Variants in LRRC7 observed in about 807,000 individuals in gnomAD.
LRRC7 encodes leucine rich repeat containing 7, also known as leucine-rich repeat-containing protein 7.
Under a neutral mutation model 175.7 loss-of-function variants are expected in LRRC7, and 23 were observed. That is an observed-to-expected ratio of 0.13 (90% CI 0.09 to 0.19). The LOEUF (loss-of-function observed/expected upper bound fraction) is 0.19. LRRC7 is among the 10% of genes least tolerant of loss of function. The probability of loss-of-function intolerance (pLI) is 1.00; values close to 1 mark genes in which losing one functional copy is unlikely to be tolerated. For missense variants in LRRC7, 1,354 were observed against 1,904.7 expected, an observed-to-expected ratio of 0.71 and a Z score of 5.38; for synonymous variants, 685 against 680.9, an observed-to-expected ratio of 1.01 and a Z score of -0.09.
intron 7 of LRRC7, among the ~76,000 whole-genome samples, chr1:69,860,571 TGAATAA>T (rs2101530582): frequency 6.6e-6 from 1 of 152,014 alleles, no homozygotes; most frequent in South Asian, 2.1e-4. Flanking sequence ...TATACTAGAA[TGAATAA>T]GAATATTTTA....
chr1:70,112,348 A>G (rs1247851661), intron 26 of LRRC7, among the ~76,000 whole-genome samples: 1 of 152,150 alleles, frequency 6.6e-6, no homozygotes, highest in Non-Finnish European at 1.5e-5. Context: ...GCTCTGTTCT[A>G]TAATCACTGA....
At chr1:69,807,817 G>T (rs1327718415) in intron 4 of LRRC7, among the ~76,000 whole-genome samples, 1 of 151,934 alleles carries the variant, frequency 6.6e-6, no homozygotes, top group Non-Finnish European at 1.5e-5. Context: ...GGTGTTCTCT[G>T]TATTTCCTGA....
At chr1:70,058,012 A>ATT (rs1224681467) in intron 23 of LRRC7, among the ~76,000 whole-genome samples, 70 of 134,464 alleles carry the variant, frequency 5.2e-4, no homozygotes, top group South Asian at 2.4e-3. Flanking sequence ...CAGACTCACA[A>ATT]TTTTTTTTTT....
chr1:69,616,949 T>A (rs542734568), intron 1 of LRRC7, among the ~76,000 whole-genome samples: 1 of 152,248 alleles, frequency 6.6e-6, no homozygotes, highest in South Asian at 2.1e-4. Flanking sequence ...TGTCAGAACT[T>A]GTGCCTAACT....
chr1:69,890,001 T>C (rs1158024314), intron 7 of LRRC7, among the ~76,000 whole-genome samples: 1 of 152,252 alleles, frequency 6.6e-6, no homozygotes, highest in East Asian at 1.9e-4. Flanking sequence ...GAAATTACTT[T>C]CTACACTGAA....
intron 3 of LRRC7, among the ~76,000 whole-genome samples, chr1:69,774,573 T>A (rs1470089521): frequency 6.6e-6 from 1 of 152,230 alleles, no homozygotes; most frequent in Non-Finnish European, 1.5e-5. Flanking sequence ...GTGATTTATA[T>A]GTTAATTTGC....
chr1:69,703,686 C>G (rs896916096), intron 2 of LRRC7, among the ~76,000 whole-genome samples: 9 of 151,934 alleles, frequency 5.9e-5, no homozygotes, highest in African/African-American at 2.2e-4. Flanking sequence ...TTGCTTCAAA[C>G]TCATAAGTTG....
intron 7 of LRRC7, among the ~76,000 whole-genome samples, chr1:69,861,678 A>G (rs1684371864): frequency 6.6e-6 from 1 of 152,218 alleles, no homozygotes; most frequent in Non-Finnish European, 1.5e-5. Flanking sequence ...AAGCTGGGCC[A>G]TAGAAGTGAA....
At chr1:70,018,672 T>C (rs969397103) in intron 14 of LRRC7, 47 bp from the exon 15 acceptor site, 11 of 1,324,664 alleles carry the variant, frequency 8.3e-6, no homozygotes, top group East Asian at 2.3e-5. Flanking sequence ...TTGACTGTTA[T>C]ATATTTGCAA....
intron 1 of LRRC7, among the ~76,000 whole-genome samples, chr1:69,600,796 G>GTTCTTTTTTTTTTTTTTTTTTTTTT (rs1557463083): frequency 3.8e-5 from 1 of 26,360 alleles, no homozygotes; most frequent in Non-Finnish European, 6.3e-5. Flanking sequence ...AGGATCTCTG[G>GTTCTTTTTTTTTTTTTTTTTTTTTT]TTTCTTTTTT....
At chr1:69,902,034 A>G (rs1306874915) in intron 7 of LRRC7, among the ~76,000 whole-genome samples, 2 of 152,158 alleles carry the variant, frequency 1.3e-5, no homozygotes, top group Admixed American at 6.5e-5. Flanking sequence ...CCATCAGGGC[A>G]GGAACTGTGT....
chr1:69,725,188 T>C (rs1666812374), intron 2 of LRRC7, among the ~76,000 whole-genome samples: 1 of 152,162 alleles, frequency 6.6e-6, no homozygotes, highest in Admixed American at 6.6e-5. Context: ...AAAATATATA[T>C]ACTGTTCATT....
chr1:69,814,544 T>C (rs1025504329), intron 4 of LRRC7, among the ~76,000 whole-genome samples: 11 of 152,154 alleles, frequency 7.2e-5, no homozygotes, highest in Admixed American at 7.2e-4. Context: ...AAATGACTAA[T>C]TCTTTCAAAT....
chr1:69,772,402 A>G (rs1467206591), intron 3 of LRRC7, among the ~76,000 whole-genome samples: 1 of 152,184 alleles, frequency 6.6e-6, no homozygotes, highest in Non-Finnish European at 1.5e-5. Context: ...GGCACCACAG[A>G]AGAGGCAGGT....
At chr1:69,801,300 T>A (rs533849243) in intron 4 of LRRC7, among the ~76,000 whole-genome samples, 62 of 151,906 alleles carry the variant, frequency 4.1e-4, no homozygotes, top group Non-Finnish European at 7.7e-4. Context: ...GTACCAGTTC[T>A]TCTTTGTAGG....
chr1:70,117,274 G>T (rs1665926827), intron 26 of LRRC7, among the ~76,000 whole-genome samples: 1 of 152,168 alleles, frequency 6.6e-6, no homozygotes, highest in Non-Finnish European at 1.5e-5. Context: ...TAATAAGAAT[G>T]CAACAGAATT....
rs1449816711 is a variant in LRRC7 at position 70,132,332 on chromosome 1, A to G, written c.*10445A>G. On this transcript the variant is annotated 3_prime_UTR_variant, in exon 27 of 27. Coordinates refer to ENST00000651989, the MANE Select transcript of LRRC7 (RefSeq NM_001370785.2). ...TTTAGTTTAATTGCTATTCATTTCT[A>G]GAAACTATTTTTGTCTAACGTCATA... 3.3e-5 allele frequency: 5 copies of G among 152,234 alleles called. No individual in the cohort carries two copies. Among genetic ancestry groups the G allele is most frequent in the Non-Finnish European group, 5.9e-5 (4 of 68,052 alleles). The allele number at this position is 152,234 out of a possible 1,614,324, so 9.4% of individuals were successfully genotyped here. A position where few individuals can be genotyped will look rare whatever the true frequency, so the allele number is the denominator to read the frequency against.
Position 69,578,757 on chromosome 1 carries a change from A to C in LRRC7, c.2+10116A>C, listed in dbSNP as rs932923485. Among the ~76,000 whole-genome samples the C allele has an allele frequency of 5.8e-4, 81 of 139,564 alleles. No individual in the cohort carries two copies. In the South Asian group the frequency reaches 6.6e-3, roughly 11 times the overall value. 91.6% of individuals were successfully genotyped at this position (139,564 alleles called of 152,430 possible). The stretch of plus-strand genomic sequence containing the variant: ...AATTGAACAATGAGAACACATGGAC[A>C]CAGGAAGGGGAACATCACACTCTGG... On this transcript the variant is annotated intron_variant, in intron 1 of 26. Coordinates refer to ENST00000651989, the MANE Select transcript of LRRC7 (RefSeq NM_001370785.2).
At chr1:69,856,132 G>A (rs1259274424) in intron 7 of LRRC7, among the ~76,000 whole-genome samples, 1 of 152,058 alleles carries the variant, frequency 6.6e-6, no homozygotes, top group African/African-American at 2.4e-5. Flanking sequence ...TACATTTAAG[G>A]TTAATACCGT....
Sources: allele counts gnomAD v4.1 joint callset (sites outside exome capture counted in the v4.1 genomes callset), GRCh38; gene constraint gnomAD v4.1.1; transcripts MANE v1.5; gene names NCBI Gene and HGNC (gene_info 2026-07-23, HGNC 2026-07-21).